The following NKAIN2 variants were observed in gnomAD, a reference collection of about 807,000 sequenced individuals.
NKAIN2 encodes sodium/potassium transporting ATPase interacting 2, also known as sodium/potassium-transporting ATPase subunit beta-1-interacting protein 2.
Under a neutral mutation model 32.6 loss-of-function variants are expected in NKAIN2, and 14 were observed. The observed-to-expected ratio is 0.43, with a 90% CI of 0.28 to 0.67. The LOEUF (loss-of-function observed/expected upper bound fraction) is 0.67, where lower values mean the gene tolerates loss of function less well. Among genes scored for constraint, NKAIN2 ranks in the 30% least tolerant of loss-of-function variants. NKAIN2 has a pLI of 0.17. For synonymous variants in NKAIN2, 80 were observed against 87.2 expected (o/e 0.92, Z 0.46); for missense variants, 198 against 258.3 (o/e 0.77, Z 1.60).
At chr6:124,369,644 A>T in intron 3 of NKAIN2, among the ~76,000 whole-genome samples, 1 of 152,076 alleles carries the variant, frequency 6.6e-6, no homozygotes, top group Non-Finnish European at 1.5e-5. Flanking sequence ...AAGCCAAAAG[A>T]TTGGGTACCC....
chr6:123,940,989 A>G (rs1051390111), intron 1 of NKAIN2, among the ~76,000 whole-genome samples: 5 of 151,700 alleles, frequency 3.3e-5, no homozygotes, highest in Admixed American at 2.6e-4. Context: ...CGAATTTTTT[A>G]TTTCTTTATG....
At chr6:124,012,534 C>T (rs2114738718) in intron 1 of NKAIN2, among the ~76,000 whole-genome samples, 1 of 152,150 alleles carries the variant, frequency 6.6e-6, no homozygotes, top group East Asian at 1.9e-4. Context: ...CGGGGTTTCA[C>T]CATATTGGCC....
At chr6:123,861,307 A>G (rs1303488427) in intron 1 of NKAIN2, among the ~76,000 whole-genome samples, 1 of 152,240 alleles carries the variant, frequency 6.6e-6, no homozygotes, top group Non-Finnish European at 1.5e-5. Context: ...AGAGGTCAGA[A>G]GCAAAGCTTT....
intron 1 of NKAIN2, among the ~76,000 whole-genome samples, chr6:124,263,910 A>G (rs1199953994): frequency 6.6e-6 from 1 of 152,184 alleles, no homozygotes; most frequent in Non-Finnish European, 1.5e-5. Context: ...TGAGTTTCTG[A>G]TGTGCAAACT....
At chr6:123,990,335 A>T (rs968732026) in intron 1 of NKAIN2, among the ~76,000 whole-genome samples, 2 of 152,222 alleles carry the variant, frequency 1.3e-5, no homozygotes, top group African/African-American at 4.8e-5. Context: ...TAAAAGAATT[A>T]TGTACCAGTT....
At chr6:124,627,482 A>G (rs1182281370) in intron 3 of NKAIN2, among the ~76,000 whole-genome samples, 1 of 152,176 alleles carries the variant, frequency 6.6e-6, no homozygotes, top group Non-Finnish European at 1.5e-5. Context: ...GTTGTGCTTT[A>G]GCAAGTCACT....
At chr6:124,224,471 T>C (rs1376135268) in intron 1 of NKAIN2, among the ~76,000 whole-genome samples, 1 of 152,092 alleles carries the variant, frequency 6.6e-6, no homozygotes, top group Non-Finnish European at 1.5e-5. Flanking sequence ...TTCCCTTTCT[T>C]GTGTTGTTTC....
intron 1 of NKAIN2, among the ~76,000 whole-genome samples, chr6:124,120,368 C>T (rs533958263): frequency 1.3e-5 from 2 of 152,130 alleles, no homozygotes; most frequent in Non-Finnish European, 2.9e-5. Flanking sequence ...GATAATTGAA[C>T]CTACTTTATA....
At chr6:124,665,905 G>A (rs1367888507) in intron 4 of NKAIN2, among the ~76,000 whole-genome samples, 1 of 152,112 alleles carries the variant, frequency 6.6e-6, no homozygotes, top group African/African-American at 2.4e-5. Context: ...AGTAAATCGT[G>A]AGTTGGTGTA....
chr6:124,529,823 G>T (rs143123229), intron 3 of NKAIN2, among the ~76,000 whole-genome samples: 15 of 152,288 alleles, frequency 9.8e-5, no homozygotes, highest in African/African-American at 3.6e-4. Flanking sequence ...AACCATTAGA[G>T]ACAAAGAGTC....
At chr6:123,910,499 GTTTTTTTTTT>G (rs35165515) in intron 1 of NKAIN2, among the ~76,000 whole-genome samples, 6,982 of 81,576 alleles carry the variant, frequency 0.086, 319 homozygotes, top group Middle Eastern at 0.2. Context: ...TGCAATGCAT[GTTTTTTTTTT>G]TTTTTTTTTT....
At chr6:124,210,726 T>C (rs1006770652) in intron 1 of NKAIN2, among the ~76,000 whole-genome samples, 1 of 150,958 alleles carries the variant, frequency 6.6e-6, no homozygotes, top group Non-Finnish European at 1.5e-5. Context: ...GTTTGTTTGT[T>C]TTTTGTTTTT....
At chr6:124,316,741 A>G (rs1468731826) in intron 2 of NKAIN2, among the ~76,000 whole-genome samples, 2 of 152,110 alleles carry the variant, frequency 1.3e-5, no homozygotes, top group Non-Finnish European at 2.9e-5. Context: ...GTGCTATTAG[A>G]GAGAATAAAG....
At chr6:124,730,938 C>G (rs1427718326) in intron 4 of NKAIN2, among the ~76,000 whole-genome samples, 4 of 128,116 alleles carry the variant, frequency 3.1e-5, no homozygotes, top group Non-Finnish European at 4.9e-5. Flanking sequence ...GACATTTATG[C>G]AGCCAAAAAA....
At chr6:124,168,086 G>A (rs1788661577) in intron 1 of NKAIN2, among the ~76,000 whole-genome samples, 1 of 152,142 alleles carries the variant, frequency 6.6e-6, no homozygotes, top group Non-Finnish European at 1.5e-5. Context: ...TGAAGAGTTT[G>A]AAGCAAAATC....
At chr6:124,376,234 A>G (rs1799984342) in intron 3 of NKAIN2, among the ~76,000 whole-genome samples, 1 of 152,308 alleles carries the variant, frequency 6.6e-6, no homozygotes, top group Middle Eastern at 3.4e-3. Context: ...ATATGCAAAG[A>G]CATAGAAAAT....
intron 1 of NKAIN2, among the ~76,000 whole-genome samples, chr6:124,120,691 G>A (rs1018070278): frequency 5.9e-5 from 9 of 152,072 alleles, no homozygotes; most frequent in Non-Finnish European, 1.2e-4. Context: ...ATCTTGGACC[G>A]TGTTTCTTCC....
chr6:124,139,345 C>T (rs889961903), intron 1 of NKAIN2, among the ~76,000 whole-genome samples: 2 of 151,688 alleles, frequency 1.3e-5, no homozygotes, highest in Admixed American at 6.6e-5. Flanking sequence ...GCCTCGGCCT[C>T]CCAAAGTGCT....
intron 1 of NKAIN2, among the ~76,000 whole-genome samples, chr6:123,886,737 A>G (rs1773733335): frequency 6.6e-6 from 1 of 152,130 alleles, no homozygotes; most frequent in African/African-American, 2.4e-5. Context: ...AGAAAAATCA[A>G]TCAGTTGGTC....
Sources: allele counts gnomAD v4.1 joint callset (sites outside exome capture counted in the v4.1 genomes callset), GRCh38; gene constraint gnomAD v4.1.1; transcripts MANE v1.5; gene names NCBI Gene and HGNC (gene_info 2026-07-23, HGNC 2026-07-21).